NRXN3: variants seen among roughly 807,000 people sequenced by gnomAD.
NRXN3 encodes the protein neurexin 3.
Under a neutral mutation model 137.6 loss-of-function variants are expected in NRXN3, and 32 were observed. That is an observed-to-expected ratio of 0.23 (90% confidence interval 0.18 to 0.31). The LOEUF is 0.31. Ranked by LOEUF, NRXN3 falls within the 10% of genes least tolerant of loss-of-function variation. The pLI, the probability that NRXN3 is intolerant of heterozygous loss-of-function variation, is 1.00. For synonymous variants in NRXN3, 798 were observed against 784.5 expected (o/e 1.02, Z -0.29); for missense variants, 1,574 against 2,062.5 (o/e 0.76, Z 4.59).
chr14:78,435,010 C>G (rs191501394), intron 4 of NRXN3, among the ~76,000 whole-genome samples: 1 of 152,270 alleles, frequency 6.6e-6, no homozygotes, highest in East Asian at 1.9e-4. Flanking sequence ...TGTCCACATG[C>G]CCCTTCTATG....
chr14:79,470,901 A>AGG (rs1465237457), intron 16 of NRXN3, among the ~76,000 whole-genome samples: 1 of 117,972 alleles, frequency 8.5e-6, no homozygotes, highest in Non-Finnish European at 1.7e-5. Flanking sequence ...AGAGAGAGAG[A>AGG]GTGTGTGTGT....
intron 4 of NRXN3, among the ~76,000 whole-genome samples, chr14:78,529,365 G>A (rs1359380837): frequency 6.6e-6 from 1 of 152,202 alleles, no homozygotes; most frequent in Non-Finnish European, 1.5e-5. Context: ...TGAGTTGGGT[G>A]TAAATGGTGG....
chr14:78,971,354 T>C (rs2099439264), intron 14 of NRXN3, among the ~76,000 whole-genome samples: 1 of 152,078 alleles, frequency 6.6e-6, no homozygotes, highest in African/African-American at 2.4e-5. Flanking sequence ...TGAGGTTTTA[T>C]AACTAAGAAC....
At chr14:79,396,622 A>C (rs1309216161) in intron 15 of NRXN3, among the ~76,000 whole-genome samples, 2 of 152,182 alleles carry the variant, frequency 1.3e-5, no homozygotes, top group Non-Finnish European at 2.9e-5. Context: ...CAGGTAAGAC[A>C]GTCAAGGGGA....
intron 15 of NRXN3, among the ~76,000 whole-genome samples, chr14:79,385,660 C>T (rs1283874190): frequency 6.6e-6 from 1 of 152,114 alleles, no homozygotes; most frequent in Non-Finnish European, 1.5e-5. Context: ...TGAGTTCTCA[C>T]AAGGTTTGGC....
intron 15 of NRXN3, among the ~76,000 whole-genome samples, chr14:79,215,727 G>A (rs111423991): frequency 3.3e-5 from 5 of 152,222 alleles, no homozygotes; most frequent in African/African-American, 1.2e-4. Context: ...ACTACAATTC[G>A]AGATGAGATT....
intron 4 of NRXN3, among the ~76,000 whole-genome samples, chr14:78,583,336 A>ATTT (rs899343880): frequency 1.3e-5 from 2 of 151,740 alleles, no homozygotes; most frequent in African/African-American, 4.8e-5. Flanking sequence ...ATGGATGATT[A>ATTT]TTTTCTTTTT....
chr14:78,324,129 A>C (rs1244981452), intron 4 of NRXN3, among the ~76,000 whole-genome samples: 1 of 152,044 alleles, frequency 6.6e-6, no homozygotes, highest in Non-Finnish European at 1.5e-5. Context: ...CCCAGGCCTG[A>C]GCTCTTAACC....
chr14:78,976,015 T>C (rs2099464623), intron 14 of NRXN3, among the ~76,000 whole-genome samples: 2 of 152,162 alleles, frequency 1.3e-5, no homozygotes, highest in African/African-American at 4.8e-5. Flanking sequence ...TTGGACAGAA[T>C]GACAGCTTCT....
intron 4 of NRXN3, among the ~76,000 whole-genome samples, chr14:78,613,593 T>TG (rs2152476171): frequency 6.7e-6 from 1 of 149,662 alleles, no homozygotes; most frequent in African/African-American, 2.5e-5. Flanking sequence ...TTTTTTTTTT[T>TG]TTTTTTTTTT....
At position 79,086,511 on chromosome 14, in the gene NRXN3, T is replaced by C. The variant is rs56693583; in HGVS notation, c.3262+98370T>C. On this transcript the variant is annotated intron_variant, in intron 15 of 20. Transcript: ENST00000335750. ...ATCCAATCTTGAATCCTTTCTCTCATTTTAAATTGTGGTGTTTTAAATTAG... is the reference window on the plus strand; with the variant it reads ...ATCCAATCTTGAATCCTTTCTCTCACTTTAAATTGTGGTGTTTTAAATTAG... Among the ~76,000 whole-genome samples, 1,223 of 152,226 alleles carry C rather than the reference T, an allele frequency of 8.0e-3. 13 individuals carry two copies. Among genetic ancestry groups the C allele is most frequent in the African/African-American group, 0.028 (1,146 of 41,510 alleles).
intron 4 of NRXN3, among the ~76,000 whole-genome samples, chr14:78,641,037 A>AT (rs2097622900): frequency 6.6e-6 from 1 of 152,208 alleles, no homozygotes; most frequent in African/African-American, 2.4e-5. Context: ...AGGTGACTGC[A>AT]TTGTCTCTTC....
chr14:79,855,248 A>G (rs186827137), intron 20 of NRXN3, among the ~76,000 whole-genome samples: 120 of 152,336 alleles, frequency 7.9e-4, no homozygotes, highest in African/African-American at 2.7e-3. Flanking sequence ...TATGTACTTC[A>G]ACATACATAA....
intron 10 of NRXN3, among the ~76,000 whole-genome samples, chr14:78,864,179 T>C (rs1385037592): frequency 6.6e-6 from 1 of 152,074 alleles, no homozygotes; most frequent in Non-Finnish European, 1.5e-5. Context: ...ACTTCACCTC[T>C]GTATTTCTCC....
intron 4 of NRXN3, among the ~76,000 whole-genome samples, chr14:78,433,900 T>C (rs1375907260): frequency 6.6e-6 from 1 of 152,178 alleles, no homozygotes; most frequent in Non-Finnish European, 1.5e-5. Flanking sequence ...GTGAAGTTAC[T>C]GATGCTCCTT....
chr14:79,079,710 C>T (rs999306633), intron 15 of NRXN3, among the ~76,000 whole-genome samples: 4 of 152,122 alleles, frequency 2.6e-5, no homozygotes, highest in Admixed American at 2.6e-4. Flanking sequence ...AAAAGTCGGG[C>T]AGGGTGCAGT....
Position 78,841,149 on chromosome 14 carries a change from A to C in NRXN3, c.2275+30805A>C, listed in dbSNP as rs184825221. ...GATTCCTATCATGTCACAGAAGTCC[A>C]CTGACTTGTTTTGATCGAGCTGAGA... On this transcript the variant is annotated intron_variant, in intron 10 of 20. Coordinates refer to ENST00000335750, the MANE Select transcript of NRXN3 (RefSeq NM_001330195.2). Among the ~76,000 whole-genome samples the C allele has an allele frequency of 1.1e-3, 173 of 152,242 alleles. 1 individual carries two copies. The highest frequency in any genetic ancestry group is 8.4e-4 in the Non-Finnish European group (57 of 68,014).
At chr14:79,755,386 TTTG>T (rs956257178) in intron 19 of NRXN3, among the ~76,000 whole-genome samples, 1 of 152,160 alleles carries the variant, frequency 6.6e-6, no homozygotes, top group Admixed American at 6.6e-5. Flanking sequence ...CATATGTATA[TTTG>T]TTTTTTTCTT....
At chr14:79,177,699 T>C (rs980259492) in intron 15 of NRXN3, among the ~76,000 whole-genome samples, 1 of 152,200 alleles carries the variant, frequency 6.6e-6, no homozygotes, top group Non-Finnish European at 1.5e-5. Context: ...GGTGATCTTG[T>C]AGCATTTGAG....
Sources: gnomAD v4.1 joint callset for allele counts (sites outside exome capture counted in the v4.1 genomes callset) on GRCh38, gnomAD v4.1.1 for gene constraint, MANE v1.5 for transcripts, NCBI Gene and HGNC (gene_info 2026-07-23, HGNC 2026-07-21) for gene names.